RASAL2: variants seen among roughly 807,000 people sequenced by gnomAD.
RASAL2 encodes the protein ras GTPase-activating protein nGAP.
A neutral mutation model predicts 128.9 loss-of-function variants in RASAL2; 58 were observed. The ratio of observed to expected loss-of-function variants is 0.45; its 90% CI spans 0.36 to 0.56. The LOEUF (loss-of-function observed/expected upper bound fraction) is 0.56, where lower values mean the gene tolerates loss of function less well. Ranked by LOEUF, RASAL2 falls within the 20% of genes least tolerant of loss-of-function variation. The probability of loss-of-function intolerance (pLI) is 0.00; values close to 1 mark genes in which losing one functional copy is unlikely to be tolerated. For missense variants in RASAL2, 1,360 were observed against 1,601.6 expected (o/e 0.85, Z 2.57); for synonymous variants, 561 against 580.8 (o/e 0.97, Z 0.49).
intron 3 of RASAL2, among the ~76,000 whole-genome samples, chr1:178,344,935 G>A (rs1353492162): frequency 6.6e-6 from 1 of 152,082 alleles, no homozygotes; most frequent in African/African-American, 2.4e-5. Context: ...ATTTAATTGT[G>A]GGTATGATCT....
chr1:178,165,981 T>A (rs950980324), intron 1 of RASAL2, among the ~76,000 whole-genome samples: 1 of 152,096 alleles, frequency 6.6e-6, no homozygotes, highest in Non-Finnish European at 1.5e-5. Context: ...CCCATCTTTG[T>A]ACGTATGTGC....
chr1:178,249,713 A>G (rs955247090), intron 1 of RASAL2, among the ~76,000 whole-genome samples: 9 of 151,708 alleles, frequency 5.9e-5, no homozygotes, highest in Admixed American at 5.2e-4. Context: ...TGACCTTTGG[A>G]TGGGTTTTCT....
chr1:178,372,361 T>G (rs1021738731), intron 3 of RASAL2: 11 of 984,998 alleles, frequency 1.1e-5, no homozygotes, highest in Non-Finnish European at 1.3e-5. Context: ...CCCTTTATTG[T>G]CTGAACTTTT....
At chr1:178,263,535 A>C (rs1665796005) in intron 1 of RASAL2, among the ~76,000 whole-genome samples, 1 of 152,222 alleles carries the variant, frequency 6.6e-6, no homozygotes, top group Admixed American at 6.5e-5. Context: ...AAGAATGATA[A>C]TAATCAGAGT....
At chr1:178,236,756 CTTTTTTTTTTTTT>C (rs549848632) in intron 1 of RASAL2, among the ~76,000 whole-genome samples, 15 of 118,424 alleles carry the variant, frequency 1.3e-4, no homozygotes, top group Middle Eastern at 4.8e-3. Context: ...TTGGACACTA[CTTTTTTTTTTTTT>C]TTTTTTTTTT....
chr1:178,164,329 A>C (rs1168496133), intron 1 of RASAL2, among the ~76,000 whole-genome samples: 1 of 152,142 alleles, frequency 6.6e-6, no homozygotes, highest in Non-Finnish European at 1.5e-5. Context: ...TTTTGCAATC[A>C]TCATTATGCC....
At chr1:178,368,263 C>T (rs1351745593) in intron 3 of RASAL2, among the ~76,000 whole-genome samples, 1 of 152,092 alleles carries the variant, frequency 6.6e-6, no homozygotes, top group African/African-American at 2.4e-5. Flanking sequence ...CTATGATTTT[C>T]GGTTTCTCAT....
intron 1 of RASAL2, among the ~76,000 whole-genome samples, chr1:178,097,375 C>G (rs921403444): frequency 6.6e-6 from 1 of 152,178 alleles, no homozygotes; most frequent in Non-Finnish European, 1.5e-5. Flanking sequence ...AATCTTTATC[C>G]TGGCTCTTGG....
chr1:178,185,671 T>C (rs1662267135), intron 1 of RASAL2, among the ~76,000 whole-genome samples: 1 of 152,094 alleles, frequency 6.6e-6, no homozygotes, highest in Non-Finnish European at 1.5e-5. Context: ...TTCTTTATCC[T>C]GTTTATATGG....
intron 1 of RASAL2, among the ~76,000 whole-genome samples, chr1:178,161,317 T>C (rs1661285951): frequency 6.6e-6 from 1 of 152,218 alleles, no homozygotes; most frequent in African/African-American, 2.4e-5. Context: ...TAATTTACTT[T>C]CTGTCTTTAT....
intron 1 of RASAL2, among the ~76,000 whole-genome samples, chr1:178,146,090 C>T (rs1305878553): frequency 2.0e-5 from 3 of 152,166 alleles, no homozygotes; most frequent in African/African-American, 7.2e-5. Context: ...ATAGGTAATT[C>T]TGCAAATTTT....
At chr1:178,424,058 CAA>C (rs1476322281) in intron 5 of RASAL2, among the ~76,000 whole-genome samples, 1 of 152,074 alleles carries the variant, frequency 6.6e-6, no homozygotes, top group Non-Finnish European at 1.5e-5. Context: ...ACATTGAACT[CAA>C]GAGGTGAGGG....
intron 1 of RASAL2, 132 bp downstream of exon 1, chr1:178,094,826 TG>T (rs1658613147): frequency 9.0e-7 from 1 of 1,115,514 alleles, no homozygotes; most frequent in Non-Finnish European, 1.3e-6. Context: ...CTTTTTGTTC[TG>T]GGGGTGCATT....
chr1:178,311,895 G>C (rs1439472132), intron 3 of RASAL2, among the ~76,000 whole-genome samples: 1 of 152,004 alleles, frequency 6.6e-6, no homozygotes, highest in African/African-American at 2.4e-5. Context: ...GCAGGGAACA[G>C]AAAACTTTAA....
chr1:178,435,460 G>GATAAA (rs1252621256), intron 5 of RASAL2, among the ~76,000 whole-genome samples: 3 of 151,980 alleles, frequency 2.0e-5, no homozygotes, highest in Non-Finnish European at 1.5e-5. Context: ...TATCTTTTAA[G>GATAAA]ACTGATTTCA....
intron 1 of RASAL2, among the ~76,000 whole-genome samples, chr1:178,195,993 C>G (rs1427433454): frequency 6.6e-6 from 1 of 151,820 alleles, no homozygotes; most frequent in Non-Finnish European, 1.5e-5. Flanking sequence ...TCTACTATCC[C>G]AAGACCAGAC....
intron 1 of RASAL2, among the ~76,000 whole-genome samples, chr1:178,254,015 C>T (rs1243552131): frequency 6.6e-6 from 1 of 152,132 alleles, no homozygotes; most frequent in African/African-American, 2.4e-5. Flanking sequence ...TGAAATTAGG[C>T]TTAAAATTTA....
At chr1:178,127,417 AAATAAC>A (rs1265940486) in intron 1 of RASAL2, among the ~76,000 whole-genome samples, 1 of 152,168 alleles carries the variant, frequency 6.6e-6, no homozygotes, top group African/African-American at 2.4e-5. Flanking sequence ...TTTCCTGTGA[AAATAAC>A]AAGAACAGCA....
chr1:178,428,410 G>A (rs1268072717), intron 5 of RASAL2, among the ~76,000 whole-genome samples: 1 of 146,948 alleles, frequency 6.8e-6, no homozygotes, highest in African/African-American at 2.5e-5. Flanking sequence ...TGTTTGCAGA[G>A]GAATTTTTTA....
Sources: gnomAD v4.1 joint callset for allele counts (sites outside exome capture counted in the v4.1 genomes callset) on GRCh38, gnomAD v4.1.1 for gene constraint, MANE v1.5 for transcripts, NCBI Gene and HGNC (gene_info 2026-07-23, HGNC 2026-07-21) for gene names.